Variants in SLC2A1 observed in about 807,000 individuals in gnomAD.
SLC2A1 encodes the protein solute carrier family 2, facilitated glucose transporter member 1.
Under a neutral mutation model 46.6 loss-of-function variants are expected in SLC2A1, and 4 were observed. The observed-to-expected ratio is 0.09, with a 90% CI of 0.04 to 0.20. The LOEUF (loss-of-function observed/expected upper bound fraction) is 0.20, where lower values mean the gene tolerates loss of function less well. Ranked by LOEUF, SLC2A1 falls within the 10% of genes least tolerant of loss-of-function variation. The pLI, the probability that SLC2A1 is intolerant of heterozygous loss-of-function variation, is 1.00. For missense variants in SLC2A1, 352 were observed against 667.0 expected (o/e 0.53, Z 5.20); for synonymous variants, 253 against 270.0 (o/e 0.94, Z 0.62).
At chr1:42,934,471 C>T (rs1460795400) in intron 2 of SLC2A1, among the ~76,000 whole-genome samples, 2 of 152,170 alleles carry the variant, frequency 1.3e-5, no homozygotes, top group Non-Finnish European at 2.9e-5. Context: ...ACTGCTGGTT[C>T]CGGTGCTCTG....
chr1:42,951,362 A>G (rs921475840), intron 1 of SLC2A1, among the ~76,000 whole-genome samples: 11 of 120,038 alleles, frequency 9.2e-5, no homozygotes, highest in Admixed American at 4.9e-4. Context: ...TCAGGGGGGA[A>G]AAAAAGCAAT....
At position 42,929,243 on chromosome 1, in the gene SLC2A1, G is replaced by A. The variant is rs775408842; in HGVS notation, c.939C>T (p.Ser313=). The A allele has an allele frequency of 2.1e-5, 34 of 1,613,956 alleles. No individual in the cohort carries two copies. The highest frequency in any genetic ancestry group is 1.6e-4 in the Middle Eastern group (1 of 6,084). ...VQQPVYATIG[S]GIVNTAFTVV... is the part of the protein sequence containing the mutation. ...CAGTGAAGGCCGTGTTGACGATACCGGAGCCAATGGTGGCATACACAGGCT... is the reference window on the plus strand; with the variant it reads ...CAGTGAAGGCCGTGTTGACGATACCAGAGCCAATGGTGGCATACACAGGCT... The change falls in exon 7 of 10, where the codon TCC becomes TCT. Residue 313 remains serine (S), a synonymous_variant. Coordinates refer to ENST00000426263, the MANE Select transcript of SLC2A1 (RefSeq NM_006516.4). This position sits in a 1 kb window ranked among gnomAD's most constrained non-coding sequence, Gnocchi z 6.0.
chr1:42,936,175 C>T (rs926829170), intron 2 of SLC2A1, among the ~76,000 whole-genome samples: 12 of 152,278 alleles, frequency 7.9e-5, no homozygotes, highest in Admixed American at 2.6e-4. Context: ...GCAGGGATCC[C>T]TGGGCCAGGT....
intron 1 of SLC2A1, among the ~76,000 whole-genome samples, chr1:42,956,424 A>C (rs964890774): frequency 1.6e-4 from 22 of 139,888 alleles, no homozygotes; most frequent in Non-Finnish European, 3.1e-4. Context: ...AAAAAAAAAA[A>C]AAAAAAAAAC....
Position 42,930,925 on chromosome 1 carries a change from G to C in SLC2A1, c.276-59C>G. On this transcript the variant is annotated intron_variant, in intron 3 of 9. Coordinates refer to ENST00000426263, the MANE Select transcript of SLC2A1 (RefSeq NM_006516.4). The surrounding 1 kb of genome is among the most constrained non-coding windows in gnomAD (Gnocchi z 6.2). ...ACATTCCTTGGGCTCCGAGGGGCTG[G>C]GTCAGAGGTAATACCCTGGAACAGG... 6.2e-7 allele frequency: 1 copy of C among 1,605,258 alleles called. No individual in the cohort carries two copies. The highest frequency in any genetic ancestry group is 1.7e-5 in the Admixed American group (1 of 59,906).
At chr1:42,956,712 C>T (rs78160850) in intron 1 of SLC2A1, among the ~76,000 whole-genome samples, 5,317 of 152,284 alleles carry the variant, frequency 0.035, 343 homozygotes, top group African/African-American at 0.12. Context: ...GAAGAGCACC[C>T]ACCTGCTACA....
Position 42,929,481 on chromosome 1 carries a change from A to T in SLC2A1, c.867+112T>A. ...CCTTACGGGCTTGGGGTCTAAAGGG[A>T]AACTTCTTCGGCAGAGGCGTATCTG... On this transcript the variant is annotated intron_variant, in intron 6 of 9. Transcript: ENST00000426263. This position sits in a 1 kb window ranked among gnomAD's most constrained non-coding sequence, Gnocchi z 6.0. 2 of 1,233,076 alleles carry T rather than the reference A, an allele frequency of 1.6e-6. No homozygotes were observed. The highest frequency in any genetic ancestry group is 2.4e-5 in the East Asian group (1 of 42,142). 76.4% of individuals were successfully genotyped at this position (1,233,076 alleles called of 1,614,324 possible).
intron 1 of SLC2A1, among the ~76,000 whole-genome samples, chr1:42,957,602 TA>T (rs1278763724): frequency 6.6e-6 from 1 of 151,998 alleles, no homozygotes; most frequent in Non-Finnish European, 1.5e-5. Flanking sequence ...TATTGTAGAC[TA>T]GGGGGAGGAA....
chr1:42,933,362 G>A (rs1268886470), intron 2 of SLC2A1, among the ~76,000 whole-genome samples: 1 of 152,122 alleles, frequency 6.6e-6, no homozygotes, highest in Admixed American at 6.5e-5. Context: ...CTGCCTGGAA[G>A]GTACCCCTGG....
At chr1:42,943,633 T>C (rs930008480) in intron 1 of SLC2A1, among the ~76,000 whole-genome samples, 1 of 152,092 alleles carries the variant, frequency 6.6e-6, no homozygotes, top group East Asian at 1.9e-4. Flanking sequence ...GGTGGAGCCA[T>C]GCCTAGGGTC....
intron 1 of SLC2A1, among the ~76,000 whole-genome samples, chr1:42,953,374 C>T (rs1445581995): frequency 6.6e-6 from 1 of 152,244 alleles, no homozygotes; most frequent in Non-Finnish European, 1.5e-5. Flanking sequence ...GCCTCAGGCT[C>T]CAGTCCACCC....
At chr1:42,934,809 C>A (rs1460294868) in intron 2 of SLC2A1, among the ~76,000 whole-genome samples, 1 of 152,140 alleles carries the variant, frequency 6.6e-6, no homozygotes, top group Non-Finnish European at 1.5e-5. Flanking sequence ...ATGCTGCCAC[C>A]ACCCCACATC....
At chr1:42,937,402 T>C (rs1643552758) in intron 2 of SLC2A1, among the ~76,000 whole-genome samples, 1 of 152,190 alleles carries the variant, frequency 6.6e-6, no homozygotes, top group African/African-American at 2.4e-5. Flanking sequence ...ACCTGAGATG[T>C]TGGTACATGA....
intron 2 of SLC2A1, among the ~76,000 whole-genome samples, chr1:42,931,549 G>A (rs954414401): frequency 6.6e-6 from 1 of 152,148 alleles, no homozygotes; most frequent in Non-Finnish European, 1.5e-5. Flanking sequence ...TACAAGACCA[G>A]GTGTGGTGGC....
intron 1 of SLC2A1, among the ~76,000 whole-genome samples, chr1:42,953,420 A>T (rs3754223): frequency 0.77 from 117,192 of 152,236 alleles, 45,247 homozygotes; most frequent in South Asian, 0.79. Context: ...GAGGCTTGTT[A>T]GGGTAGCCAG....
Position 42,944,643 on chromosome 1 carries a change from C to T in SLC2A1, c.19-1322G>A, listed in dbSNP as rs184115438. Among the ~76,000 whole-genome samples the T allele has an allele frequency of 2.0e-5, 3 of 152,236 alleles. No homozygotes were observed. The East Asian group carries it at 5.8e-4, about 29-fold the overall frequency. ...TCTCTGAAAGCGTCAGTCAGGGCAACGACTGCAAAAGCCAAGGCTCTCACA... is the reference window on the plus strand; with the variant it reads ...TCTCTGAAAGCGTCAGTCAGGGCAATGACTGCAAAAGCCAAGGCTCTCACA... On this transcript the variant is annotated intron_variant, in intron 1 of 9. Coordinates refer to ENST00000426263, the MANE Select transcript of SLC2A1 (RefSeq NM_006516.4).
rs192342178 is a variant in SLC2A1 at position 42,945,316 on chromosome 1, G to A, written c.19-1995C>T. Among the ~76,000 whole-genome samples the A allele has an allele frequency of 4.6e-3, 704 of 152,248 alleles. 5 individuals carry two copies. The highest frequency in any genetic ancestry group is 0.016 in the African/African-American group (660 of 41,544). On this transcript the variant is annotated intron_variant, in intron 1 of 9. Coordinates refer to ENST00000426263, the MANE Select transcript of SLC2A1 (RefSeq NM_006516.4). ...ACCTGGGAGTTCGAGGCCGCAGTGAGCTGTGATCACCCCATGGCACTCCAG... is the reference window on the plus strand; with the variant it reads ...ACCTGGGAGTTCGAGGCCGCAGTGAACTGTGATCACCCCATGGCACTCCAG...
chr1:42,933,325 C>A (rs1018119075), intron 2 of SLC2A1, among the ~76,000 whole-genome samples: 4 of 152,180 alleles, frequency 2.6e-5, no homozygotes, highest in African/African-American at 9.6e-5. Context: ...TCTCCCACCC[C>A]TCTACGCCTT....
At chr1:42,956,802 G>A (rs1643781662) in intron 1 of SLC2A1, among the ~76,000 whole-genome samples, 1 of 152,194 alleles carries the variant, frequency 6.6e-6, no homozygotes, top group African/African-American at 2.4e-5. Context: ...TTCAAGAAAT[G>A]TTGTGGTGAA....
Sources: gnomAD v4.1 joint callset for allele counts (sites outside exome capture counted in the v4.1 genomes callset) on GRCh38, gnomAD v4.1.1 for gene constraint, Gnocchi (gnomAD v3.1) non-coding constraint, MANE v1.5 for transcripts, NCBI Gene and HGNC (gene_info 2026-07-23, HGNC 2026-07-21) for gene names.